The following PAK5 variants were observed in gnomAD, a reference collection of about 807,000 sequenced individuals.
PAK5 encodes the protein p21 (RAC1) activated kinase 5, also known as serine/threonine-protein kinase PAK 5.
Under a neutral mutation model 65.9 loss-of-function variants are expected in PAK5, and 16 were observed. The observed-to-expected ratio is 0.24, with a 90% CI of 0.16 to 0.37. PAK5 has a LOEUF of 0.37. Ranked by LOEUF, PAK5 falls within the 10% of genes least tolerant of loss-of-function variation. The pLI is 1.00. For missense variants in PAK5, 785 were observed against 903.9 expected, an observed-to-expected ratio of 0.87 and a Z score of 1.69; for synonymous variants, 371 against 354.9, an observed-to-expected ratio of 1.05 and a Z score of -0.51.
intron 1 of PAK5, among the ~76,000 whole-genome samples, chr20:9,778,333 G>A (rs1361766939): frequency 6.6e-6 from 1 of 152,148 alleles, no homozygotes; most frequent in East Asian, 1.9e-4. Context: ...AAACCCCTGG[G>A]CTCAAGTGAT....
chr20:9,571,515 C>T (rs184392710), intron 4 of PAK5, among the ~76,000 whole-genome samples: 1 of 152,346 alleles, frequency 6.6e-6, no homozygotes, highest in East Asian at 1.9e-4. Flanking sequence ...GTCCTTCACT[C>T]CCAGTGGGAG....
At chr20:9,545,623 G>A (rs2045332803) in intron 7 of PAK5, among the ~76,000 whole-genome samples, 1 of 151,846 alleles carries the variant, frequency 6.6e-6, no homozygotes, top group South Asian at 2.1e-4. Context: ...AAATATTGGG[G>A]TTCCCTAGGG....
At chr20:9,748,036 C>A (rs1342435199) in intron 1 of PAK5, among the ~76,000 whole-genome samples, 1 of 152,136 alleles carries the variant, frequency 6.6e-6, no homozygotes, top group Non-Finnish European at 1.5e-5. Context: ...TTCTTATACA[C>A]CAATAACAGA....
chr20:9,563,316 G>T (rs1194142525), intron 5 of PAK5, among the ~76,000 whole-genome samples: 1 of 152,142 alleles, frequency 6.6e-6, no homozygotes, highest in African/African-American at 2.4e-5. Flanking sequence ...GAGGGAGTTT[G>T]GTTGACCATC....
At chr20:9,759,750 G>T (rs1026728866) in intron 1 of PAK5, among the ~76,000 whole-genome samples, 5 of 152,118 alleles carry the variant, frequency 3.3e-5, no homozygotes, top group Non-Finnish European at 7.3e-5. Context: ...GCTACGAAAT[G>T]ACTCCCTGGA....
chr20:9,565,112 TAAATA>T (rs937866386), intron 5 of PAK5, among the ~76,000 whole-genome samples: 9 of 151,884 alleles, frequency 5.9e-5, no homozygotes, highest in Non-Finnish European at 1.2e-4. Context: ...TTTACATTAA[TAAATA>T]TAAGTAATAC....
chr20:9,612,900 C>T (rs2046589992), intron 3 of PAK5, among the ~76,000 whole-genome samples: 2 of 152,072 alleles, frequency 1.3e-5, no homozygotes, highest in South Asian at 4.1e-4. Flanking sequence ...TGTATCTCCC[C>T]CCCCATTAGA....
chr20:9,725,395 T>A (rs1230438148), intron 1 of PAK5, among the ~76,000 whole-genome samples: 2 of 152,152 alleles, frequency 1.3e-5, no homozygotes, highest in Non-Finnish European at 2.9e-5. Flanking sequence ...TGTACCATTT[T>A]TGGTCATCTT....
chr20:9,598,599 C>T (rs1230237675), intron 3 of PAK5, among the ~76,000 whole-genome samples: 1 of 152,206 alleles, frequency 6.6e-6, no homozygotes, highest in East Asian at 1.9e-4. Flanking sequence ...ATTCCTATTT[C>T]TCCACAGCCT....
chr20:9,772,608 CTGG>C (rs2048846247), intron 1 of PAK5, among the ~76,000 whole-genome samples: 2 of 152,204 alleles, frequency 1.3e-5, no homozygotes, highest in Admixed American at 1.3e-4. Context: ...GTTGGAATTT[CTGG>C]TGGTTGTATT....
intron 1 of PAK5, among the ~76,000 whole-genome samples, chr20:9,736,629 C>G (rs150796915): frequency 3.2e-4 from 49 of 152,262 alleles, no homozygotes; most frequent in African/African-American, 1.2e-3. Context: ...ATGAAGGTTT[C>G]AAGATCACAG....
At chr20:9,602,887 T>TAACAA (rs2046385919) in intron 3 of PAK5, among the ~76,000 whole-genome samples, 1 of 152,082 alleles carries the variant, frequency 6.6e-6, no homozygotes, top group Non-Finnish European at 1.5e-5. Flanking sequence ...AACTAGAAAA[T>TAACAA]AACAAAACAA....
intron 1 of PAK5, among the ~76,000 whole-genome samples, chr20:9,824,817 T>A (rs1569103021): frequency 1.3e-5 from 2 of 152,210 alleles, no homozygotes; most frequent in South Asian, 4.1e-4. Context: ...CCTGTCTGTC[T>A]CTCCTTCTTT....
At chr20:9,557,117 A>G (rs981224680) in intron 7 of PAK5, among the ~76,000 whole-genome samples, 40 of 152,126 alleles carry the variant, frequency 2.6e-4, no homozygotes, top group African/African-American at 9.7e-4. Flanking sequence ...AAAGTACTGC[A>G]CTAATCCTCA....
intron 1 of PAK5, among the ~76,000 whole-genome samples, chr20:9,763,238 G>A (rs1307504457): frequency 1.3e-5 from 2 of 151,934 alleles, no homozygotes; most frequent in Admixed American, 6.6e-5. Flanking sequence ...GTACCAAGAC[G>A]GTAGAACTCA....
At chr20:9,832,217 A>G (rs1197263004) in intron 1 of PAK5, among the ~76,000 whole-genome samples, 2 of 152,130 alleles carry the variant, frequency 1.3e-5, no homozygotes, top group Non-Finnish European at 2.9e-5. Context: ...AAAACATAAA[A>G]TAAAAAACAA....
At chr20:9,801,934 C>A (rs951860451) in intron 1 of PAK5, among the ~76,000 whole-genome samples, 2 of 152,086 alleles carry the variant, frequency 1.3e-5, no homozygotes, top group African/African-American at 4.8e-5. Flanking sequence ...GGGACTAAAA[C>A]AAGGAAGCAA....
intron 1 of PAK5, among the ~76,000 whole-genome samples, chr20:9,801,590 A>T (rs2049169926): frequency 6.6e-6 from 1 of 151,210 alleles, no homozygotes; most frequent in Admixed American, 6.6e-5. Flanking sequence ...AGACTTTTAT[A>T]TTTATAGAAT....
chr20:9,760,633 A>T (rs191891062), intron 1 of PAK5, among the ~76,000 whole-genome samples: 13 of 147,916 alleles, frequency 8.8e-5, no homozygotes, highest in Admixed American at 2.0e-4. Flanking sequence ...TTCATCATCT[A>T]TATCAATTCA....
Sources: allele counts gnomAD v4.1 joint callset (sites outside exome capture counted in the v4.1 genomes callset), GRCh38; gene constraint gnomAD v4.1.1; transcripts MANE v1.5; gene names NCBI Gene and HGNC (gene_info 2026-07-23, HGNC 2026-07-21).